MAP4: variants seen among roughly 807,000 people sequenced by gnomAD.
MAP4 encodes the protein microtubule associated protein 4, also known as microtubule-associated protein 4.
In MAP4, 76 loss-of-function variants were observed where a neutral mutation model predicts 170.2. The observed-to-expected ratio is 0.45, with a 90% CI of 0.37 to 0.54. The LOEUF (loss-of-function observed/expected upper bound fraction) is 0.54, where lower values mean the gene tolerates loss of function less well. Ranked by LOEUF, MAP4 falls within the 20% of genes least tolerant of loss-of-function variation. The pLI, the probability that MAP4 is intolerant of heterozygous loss-of-function variation, is 0.00. For missense variants in MAP4, 2,506 were observed against 2,748.0 expected (o/e 0.91, Z 1.97); for synonymous variants, 909 against 994.5 (o/e 0.91, Z 1.62).
At chr3:47,947,821 A>G (rs1244212341) in intron 3 of MAP4, among the ~76,000 whole-genome samples, 3 of 151,158 alleles carry the variant, frequency 2.0e-5, no homozygotes, top group Non-Finnish European at 4.4e-5. Flanking sequence ...AAAAAAAAAG[A>G]AAAGAAAAAA....
intron 1 of MAP4, among the ~76,000 whole-genome samples, chr3:48,076,395 G>A (rs967838451): frequency 2.0e-5 from 3 of 151,872 alleles, no homozygotes; most frequent in Admixed American, 6.6e-5. Flanking sequence ...CCAGCTACTT[G>A]GGAGGCTGAG....
intron 3 of MAP4, among the ~76,000 whole-genome samples, chr3:47,958,452 T>G (rs1264440857): frequency 6.6e-6 from 1 of 152,192 alleles, no homozygotes; most frequent in East Asian, 1.9e-4. Context: ...ATTTGGTATT[T>G]GTTTGTATAT....
rs374208589 is a variant in MAP4, at chr3:47,863,937, T to TGTGTGTGGGGGGG, written c.6501+3308_6501+3309insCCCCCCCACACAC. Among the ~76,000 whole-genome samples, 51 of 138,472 alleles carry TGTGTGTGGGGGGG rather than the reference T, an allele frequency of 3.7e-4. 1 individual carries two copies. Among genetic ancestry groups the TGTGTGTGGGGGGG allele is most frequent in the Middle Eastern group, 3.8e-3 (1 of 264 alleles). The allele number at this position is 138,472 out of a possible 152,430, so 90.8% of individuals were successfully genotyped here. A position where few individuals can be genotyped will look rare whatever the true frequency, so the allele number is the denominator to read the frequency against. On this transcript the variant is annotated intron_variant, in intron 17 of 20. Transcript: ENST00000683076. Reference sequence around the variant, plus strand: ...GTGGGTGTGGGTGTGTGTGTGTGTGTGGGGAGTGGTGGGGGGTGTAATGCT... The same window carrying TGTGTGTGGGGGGG: ...GTGGGTGTGGGTGTGTGTGTGTGTGTGTGTGTGGGGGGGGGGGAGTGGTGGGGGGTGTAATGCT...
chr3:47,897,943 G>C (rs996783109), intron 10 of MAP4, among the ~76,000 whole-genome samples: 2 of 146,138 alleles, frequency 1.4e-5, no homozygotes, highest in Non-Finnish European at 3.0e-5. Flanking sequence ...CTCCATATCG[G>C]GGGGGGGAAA....
intron 1 of MAP4, among the ~76,000 whole-genome samples, chr3:48,076,693 A>C (rs1346750159): frequency 6.6e-6 from 1 of 152,014 alleles, no homozygotes; most frequent in East Asian, 1.9e-4. Context: ...AGAAGAAAGA[A>C]CGAACGAACG....
chr3:47,934,082 G>A (rs998541475), intron 3 of MAP4, among the ~76,000 whole-genome samples: 3 of 152,122 alleles, frequency 2.0e-5, no homozygotes, highest in Non-Finnish European at 2.9e-5. Flanking sequence ...AAACACTGCT[G>A]GAGAAGAAAT....
intron 1 of MAP4, among the ~76,000 whole-genome samples, chr3:48,036,168 A>G (rs988231689): frequency 1.3e-5 from 2 of 152,222 alleles, no homozygotes; most frequent in Non-Finnish European, 2.9e-5. Flanking sequence ...CTCTCACAGC[A>G]ATCTTTATAG....
intron 3 of MAP4, among the ~76,000 whole-genome samples, chr3:47,957,899 C>T (rs1358026607): frequency 6.6e-6 from 1 of 152,192 alleles, no homozygotes; most frequent in Non-Finnish European, 1.5e-5. Context: ...TGTGCGGCTC[C>T]ACTCACTATT....
chr3:47,879,782 C>T (rs369522160), intron 10 of MAP4, among the ~76,000 whole-genome samples: 2 of 152,296 alleles, frequency 1.3e-5, no homozygotes, highest in African/African-American at 4.8e-5. Context: ...CCTCTATAGC[C>T]ATATCTACCC....
chr3:47,852,607 C>G lies in MAP4; in HGVS notation c.*327G>C. On this transcript the variant is annotated 3_prime_UTR_variant, in exon 21 of 21. Coordinates refer to ENST00000683076, the MANE Select transcript of MAP4 (RefSeq NM_001385682.1). The stretch of plus-strand genomic sequence containing the variant: ...CCCAACTTAGCCTCAACCACCCCAA[C>G]CCCCTCCCAACCTCCTCCACGGAGC... 1.3e-6 allele frequency: 1 copy of G among 788,998 alleles called. No individual in the cohort carries two copies. Among genetic ancestry groups the G allele is most frequent in the Non-Finnish European group, 1.9e-6 (1 of 517,464 alleles). 48.9% of individuals were successfully genotyped at this position (788,998 alleles called of 1,614,324 possible). A position where few individuals can be genotyped will look rare whatever the true frequency, so the allele number is the denominator to read the frequency against.
At chr3:47,990,819 A>C (rs1429853031) in intron 2 of MAP4, among the ~76,000 whole-genome samples, 2 of 133,374 alleles carry the variant, frequency 1.5e-5, no homozygotes, top group African/African-American at 5.7e-5. Flanking sequence ...GAAAAAAGTC[A>C]GGAAGTACAT....
At chr3:48,023,520 G>A (rs1474566240) in intron 1 of MAP4, among the ~76,000 whole-genome samples, 1 of 152,200 alleles carries the variant, frequency 6.6e-6, no homozygotes, top group African/African-American at 2.4e-5. Context: ...TCTTAAGTGG[G>A]CAGAAGTCAA....
rs118125844 is a variant in MAP4 at position 47,935,808 on chromosome 3, G to A, written c.293-7458C>T. On this transcript the variant is annotated intron_variant, in intron 3 of 20. Coordinates refer to ENST00000683076, the MANE Select transcript of MAP4 (RefSeq NM_001385682.1). ...AAAAATTAGCCGGGGGTGTGGTGAC[G>A]TATGTCTGTAGTCCCAGCTACTCAG... is the stretch of plus-strand genomic sequence containing the variant. Among the ~76,000 whole-genome samples, 419 of 151,522 alleles carry A rather than the reference G, an allele frequency of 2.8e-3. 17 individuals carry two copies. In the East Asian group the frequency reaches 0.065, roughly 23 times the overall value.
At chr3:48,088,199 T>C (rs540502276) in intron 1 of MAP4, among the ~76,000 whole-genome samples, 1 of 149,574 alleles carries the variant, frequency 6.7e-6, no homozygotes, top group Non-Finnish European at 1.5e-5. Context: ...TGTGACCCTT[T>C]CGCACTCCCA....
chr3:48,070,743 G>A (rs1324130623), intron 1 of MAP4, among the ~76,000 whole-genome samples: 1 of 151,200 alleles, frequency 6.6e-6, no homozygotes, highest in African/African-American at 2.4e-5. Flanking sequence ...GCTCACACCT[G>A]TAATCCCAGC....
rs534366956 is a variant in MAP4, at chr3:47,918,912, T to TTTTTG, written c.530-76_530-72dup. ...TTGGAAACAAAAGGTATTTGATATA[T>TTTTTG]TTTTGTTTTGTTTTGTTTTGTTTGT... On this transcript the variant is annotated intron_variant, in intron 5 of 20. Coordinates refer to ENST00000683076, the MANE Select transcript of MAP4 (RefSeq NM_001385682.1). The TTTTTG allele has an allele frequency of 6.4e-4, 896 of 1,399,376 alleles. 4 individuals are homozygous for TTTTTG. The African/African-American group carries it at 0.012, about 18-fold the overall frequency. 86.7% of individuals were successfully genotyped at this position (1,399,376 alleles called of 1,614,324 possible). A position where few individuals can be genotyped will look rare whatever the true frequency, so the allele number is the denominator to read the frequency against.
chr3:47,910,777 T>G lies in MAP4; in HGVS notation c.3644A>C (p.Glu1215Ala). ...ISEKPKKRGN[E>A]GKSKKFKNNY... Reference sequence around the variant, plus strand: ...ATTTTTAAACTTTTTGCTTTTGCCTTCATTGCCTCTCTTTTTAGGCTTTTC... The same window carrying G: ...ATTTTTAAACTTTTTGCTTTTGCCTGCATTGCCTCTCTTTTTAGGCTTTTC... Residue 1215 changes from glutamate to alanine, a missense_variant, in exon 9 of 21, where the codon GAA (glutamate) becomes GCA (alanine). Physicochemically the swap from Glu to Ala is moderately radical, Grantham distance 107. Coordinates refer to ENST00000683076, the MANE Select transcript of MAP4 (RefSeq NM_001385682.1). The G allele has an allele frequency of 2.6e-6, 4 of 1,536,140 alleles. No individual in the cohort carries two copies. Among genetic ancestry groups the G allele is most frequent in the Non-Finnish European group, 3.5e-6 (4 of 1,146,912 alleles).
intron 5 of MAP4, among the ~76,000 whole-genome samples, chr3:47,920,127 C>T (rs1368873580): frequency 1.3e-5 from 2 of 152,172 alleles, no homozygotes; most frequent in Non-Finnish European, 2.9e-5. Flanking sequence ...TCTGCCACCA[C>T]TCCCAGCTAA....
chr3:48,031,111 T>C (rs568767632), intron 1 of MAP4, among the ~76,000 whole-genome samples: 44 of 152,126 alleles, frequency 2.9e-4, no homozygotes, highest in African/African-American at 1.1e-3. Context: ...TCAAGACTAA[T>C]ATCAATAGTG....
Sources: allele counts gnomAD v4.1 joint callset (sites outside exome capture counted in the v4.1 genomes callset), GRCh38; gene constraint gnomAD v4.1.1; transcripts MANE v1.5; gene names NCBI Gene and HGNC (gene_info 2026-07-23, HGNC 2026-07-21).